GOLIM4: variants seen among roughly 807,000 people sequenced by gnomAD.
GOLIM4 encodes golgi integral membrane protein 4, also known as 130 kDa golgi-localized phosphoprotein.
A neutral mutation model predicts 107.4 loss-of-function variants in GOLIM4; 71 were observed. That is an observed-to-expected ratio of 0.66 (90% CI 0.55 to 0.81). GOLIM4 has a LOEUF of 0.81. Ranked by LOEUF, GOLIM4 falls within the 30% of genes least tolerant of loss-of-function variation. The pLI is 0.00. For synonymous variants in GOLIM4, 327 were observed against 294.8 expected, an observed-to-expected ratio of 1.11 and a Z score of -1.12; for missense variants, 830 against 826.1, an observed-to-expected ratio of 1.00 and a Z score of -0.06.
At chr3:168,023,800 G>A (rs970845219) in intron 14 of GOLIM4, among the ~76,000 whole-genome samples, 2 of 152,136 alleles carry the variant, frequency 1.3e-5, no homozygotes, top group Non-Finnish European at 2.9e-5. Flanking sequence ...TGATAAAACG[G>A]CTACAACAAG....
intron 9 of GOLIM4, among the ~76,000 whole-genome samples, chr3:168,031,481 A>G (rs1478139824): frequency 6.6e-6 from 1 of 152,216 alleles, no homozygotes; most frequent in Non-Finnish European, 1.5e-5. Flanking sequence ...ATTATGCATC[A>G]ATAAAAAGTG....
intron 1 of GOLIM4, among the ~76,000 whole-genome samples, chr3:168,072,127 C>G (rs771479105): frequency 6.6e-6 from 1 of 152,146 alleles, no homozygotes; most frequent in African/African-American, 2.4e-5. Context: ...TCTGAGGAAA[C>G]AAAAGTGCCT....
At chr3:168,038,146 A>T (rs923850261) in intron 7 of GOLIM4, among the ~76,000 whole-genome samples, 1 of 152,210 alleles carries the variant, frequency 6.6e-6, no homozygotes, top group African/African-American at 2.4e-5. Context: ...GCCTTTTAAT[A>T]ATTTTGTACA....
chr3:168,021,515 A>C (rs143330026), intron 14 of GOLIM4, among the ~76,000 whole-genome samples: 2 of 152,022 alleles, frequency 1.3e-5, no homozygotes, highest in Non-Finnish European at 2.9e-5. Context: ...AAAATACAAA[A>C]ATTAGCCGGG....
At chr3:168,062,401 CTT>C (rs34407704) in intron 1 of GOLIM4, among the ~76,000 whole-genome samples, 22 of 139,104 alleles carry the variant, frequency 1.6e-4, no homozygotes, top group Non-Finnish European at 6.2e-5. Flanking sequence ...TGTATTGGGG[CTT>C]TTTTTTTTTT....
intron 1 of GOLIM4, among the ~76,000 whole-genome samples, chr3:168,050,432 C>T (rs1230598856): frequency 6.6e-6 from 1 of 152,078 alleles, no homozygotes; most frequent in South Asian, 2.1e-4. Flanking sequence ...TAGAACATCA[C>T]GAAGCCAGGC....
chr3:168,009,430 C>CAAAAAAAAAAAAAAAAAAAAAAAAAAAAA lies in GOLIM4; in HGVS notation c.*838_*839insTTTTTTTTTTTTTTTTTTTTTTTTTTTTT. On this transcript the variant is annotated 3_prime_UTR_variant, in exon 16 of 16. Coordinates refer to ENST00000470487, the MANE Select transcript of GOLIM4 (RefSeq NM_014498.5). ...AAGAATATCAATCAATGGCTTCAAA[C>CAAAAAAAAAAAAAAAAAAAAAAAAAAAAA]AAAAAAAAAAAAAAAAAATTGAGAA... is the stretch of plus-strand genomic sequence containing the variant. The CAAAAAAAAAAAAAAAAAAAAAAAAAAAAA allele has an allele frequency of 1.3e-5, 1 of 77,496 alleles. No homozygotes were observed. Among genetic ancestry groups the CAAAAAAAAAAAAAAAAAAAAAAAAAAAAA allele is most frequent in the Non-Finnish European group, 2.8e-5 (1 of 35,462 alleles). 4.8% of individuals were successfully genotyped at this position (77,496 alleles called of 1,614,324 possible).
chr3:168,037,761 T>C (rs1273731250), intron 7 of GOLIM4, among the ~76,000 whole-genome samples: 1 of 152,208 alleles, frequency 6.6e-6, no homozygotes, highest in African/African-American at 2.4e-5. Flanking sequence ...ATATTTTTAA[T>C]ACAAGGAGCT....
At position 168,010,114 on chromosome 3, in the gene GOLIM4, A is replaced by T. The variant is rs1238267406; in HGVS notation, c.*155T>A. The T allele has an allele frequency of 5.4e-6, 3 of 550,466 alleles. No individual in the cohort carries two copies. The highest frequency in any genetic ancestry group is 9.4e-6 in the Non-Finnish European group (3 of 319,126). 34.1% of individuals were successfully genotyped at this position (550,466 alleles called of 1,614,324 possible). A position where few individuals can be genotyped will look rare whatever the true frequency, so the allele number is the denominator to read the frequency against. On this transcript the variant is annotated 3_prime_UTR_variant, in exon 16 of 16. Transcript: ENST00000470487. ...AGACCTACGTTATCAAAATATATTCATATAAATGTATGCGCATTTCTAATA... is the reference window on the plus strand; with the variant it reads ...AGACCTACGTTATCAAAATATATTCTTATAAATGTATGCGCATTTCTAATA...
At chr3:168,093,752 T>C (rs1373911414) in intron 1 of GOLIM4, among the ~76,000 whole-genome samples, 2 of 152,246 alleles carry the variant, frequency 1.3e-5, no homozygotes, top group East Asian at 1.9e-4. Context: ...AGCCGAGCCA[T>C]ATATTTTCAT....
intron 1 of GOLIM4, among the ~76,000 whole-genome samples, chr3:168,054,641 A>C (rs1719841932): frequency 6.6e-6 from 1 of 150,806 alleles, no homozygotes; most frequent in African/African-American, 2.5e-5. Context: ...TAAAATAATA[A>C]TTTTTATTAC....
intron 15 of GOLIM4, 87 bp downstream of exon 15, chr3:168,010,656 C>T (rs1044165544): frequency 1.1e-4 from 107 of 1,011,354 alleles, no homozygotes; most frequent in South Asian, 6.7e-5. Flanking sequence ...CCCACTGGTA[C>T]GTATCCCAAA....
chr3:168,069,872 T>C (rs917809091), intron 1 of GOLIM4, among the ~76,000 whole-genome samples: 1 of 152,234 alleles, frequency 6.6e-6, no homozygotes, highest in Non-Finnish European at 1.5e-5. Context: ...TTTATTTCCT[T>C]AGTGTTACAT....
intron 1 of GOLIM4, among the ~76,000 whole-genome samples, chr3:168,063,566 T>C (rs1299515640): frequency 6.6e-6 from 1 of 152,104 alleles, no homozygotes; most frequent in African/African-American, 2.4e-5. Flanking sequence ...ATATTGGGCA[T>C]TGCCTGATTT....
At chr3:168,067,770 T>G (rs1720625863) in intron 1 of GOLIM4, among the ~76,000 whole-genome samples, 1 of 152,056 alleles carries the variant, frequency 6.6e-6, no homozygotes, top group Non-Finnish European at 1.5e-5. Flanking sequence ...ATCCCCATAT[T>G]AAATGCATCA....
intron 1 of GOLIM4, among the ~76,000 whole-genome samples, chr3:168,070,229 T>C (rs917460690): frequency 2.0e-5 from 3 of 152,110 alleles, no homozygotes; most frequent in Non-Finnish European, 4.4e-5. Flanking sequence ...CCATTTCTAC[T>C]ACAAATACAA....
Position 168,083,330 on chromosome 3 carries a change from A to G in GOLIM4, c.187+11769T>C, listed in dbSNP as rs377419982. On this transcript the variant is annotated intron_variant, in intron 1 of 15. Coordinates refer to ENST00000470487, the MANE Select transcript of GOLIM4 (RefSeq NM_014498.5). ...AACTTCACCAAGGACTGCAGTCTAT[A>G]AAGTCAAAAGAACATGCTGCAGTGC... Among the ~76,000 whole-genome samples, 3 of 152,334 alleles carry G rather than the reference A, an allele frequency of 2.0e-5. No homozygotes were observed. In the East Asian group the frequency reaches 5.8e-4, roughly 29 times the overall value.
At chr3:168,022,120 T>A (rs1717726990) in intron 14 of GOLIM4, among the ~76,000 whole-genome samples, 1 of 152,132 alleles carries the variant, frequency 6.6e-6, no homozygotes, top group Non-Finnish European at 1.5e-5. Flanking sequence ...AAATCATACT[T>A]CTTTTGGGTC....
At chr3:168,039,802 A>C (rs576982003) in intron 7 of GOLIM4, among the ~76,000 whole-genome samples, 4 of 152,330 alleles carry the variant, frequency 2.6e-5, no homozygotes, top group African/African-American at 7.2e-5. Context: ...TTTATAAAGA[A>C]GACGTGAAAT....
Sources: allele counts gnomAD v4.1 joint callset (sites outside exome capture counted in the v4.1 genomes callset), GRCh38; gene constraint gnomAD v4.1.1; transcripts MANE v1.5; gene names NCBI Gene and HGNC (gene_info 2026-07-23, HGNC 2026-07-21).